Variants in MAP2K5 observed in about 807,000 individuals in gnomAD.
The protein encoded by MAP2K5 is mitogen-activated protein kinase kinase 5, also known as dual specificity mitogen-activated protein kinase kinase 5.
In MAP2K5, 49 loss-of-function variants were observed where a neutral mutation model predicts 83.1. That is an observed-to-expected ratio of 0.59 (90% CI 0.47 to 0.75). The LOEUF is 0.75. Ranked by LOEUF, MAP2K5 falls within the 30% of genes least tolerant of loss-of-function variation. The probability of loss-of-function intolerance (pLI) is 0.00; values close to 1 mark genes in which losing one functional copy is unlikely to be tolerated. For missense variants in MAP2K5, 457 were observed against 557.5 expected (o/e 0.82, Z 1.82); for synonymous variants, 202 against 191.8 (o/e 1.05, Z -0.44).
At chr15:67,723,753 TA>T (rs60450892) in intron 16 of MAP2K5, among the ~76,000 whole-genome samples, 2,615 of 148,176 alleles carry the variant, frequency 0.018, 87 homozygotes, top group African/African-American at 0.061. Flanking sequence ...GTACACTTTT[TA>T]AAAAAAAAAA....
chr15:67,571,640 A>G (rs1286661839), intron 3 of MAP2K5, among the ~76,000 whole-genome samples: 2 of 151,906 alleles, frequency 1.3e-5, no homozygotes, highest in Non-Finnish European at 1.5e-5. Context: ...TTTCCCATAT[A>G]CCAGCTCCTT....
intron 13 of MAP2K5, among the ~76,000 whole-genome samples, chr15:67,682,427 G>A (rs771169554): frequency 7.9e-5 from 12 of 151,928 alleles, no homozygotes; most frequent in South Asian, 4.2e-4. Context: ...GTTTTGCCAC[G>A]TTGGCCAGGC....
intron 4 of MAP2K5, among the ~76,000 whole-genome samples, chr15:67,584,017 G>C (rs780120875): frequency 6.6e-6 from 1 of 152,048 alleles, no homozygotes; most frequent in African/African-American, 2.4e-5. Flanking sequence ...TCCAAGTGCT[G>C]GGATGAAAGG....
Position 67,560,840 on chromosome 15 carries a change from T to C in MAP2K5, c.185-2443T>C, listed in dbSNP as rs554337415. Reference sequence around the variant, plus strand: ...GCCTTAAAGGTTCAAGCTCTAGCTTTGAGAAGTTGAAGAACTCTCCTTTTG... The same window carrying C: ...GCCTTAAAGGTTCAAGCTCTAGCTTCGAGAAGTTGAAGAACTCTCCTTTTG... On this transcript the variant is annotated intron_variant, in intron 2 of 21. Transcript: ENST00000178640. Among the ~76,000 whole-genome samples the C allele has an allele frequency of 1.2e-4, 19 of 152,348 alleles. No individual in the cohort carries two copies. The East Asian group carries it at 3.7e-3, about 29-fold the overall frequency.
At chr15:67,798,594 C>A (rs1251079565) in intron 21 of MAP2K5, among the ~76,000 whole-genome samples, 1 of 152,212 alleles carries the variant, frequency 6.6e-6, no homozygotes, top group South Asian at 2.1e-4. Flanking sequence ...TGGCCTATTA[C>A]TCTGTGTAGA....
intron 16 of MAP2K5, among the ~76,000 whole-genome samples, chr15:67,707,370 T>C (rs1033953662): frequency 6.6e-6 from 1 of 152,232 alleles, no homozygotes; most frequent in African/African-American, 2.4e-5. Flanking sequence ...AAAATCACTA[T>C]AGACAGAAGT....
At position 67,793,590 on chromosome 15, in the gene MAP2K5, A is replaced by G. The variant is rs1442547681; in HGVS notation, c.1243-13056A>G. On this transcript the variant is annotated intron_variant, in intron 21 of 21. Coordinates refer to ENST00000178640, the MANE Select transcript of MAP2K5 (RefSeq NM_145160.3). The surrounding 1 kb of genome is among the most constrained non-coding windows in gnomAD (Gnocchi z 4.6). The stretch of plus-strand genomic sequence containing the variant: ...GTCTAAAATACAAGAAAGCTGGCTT[A>G]AGGAAAAGCTTGAGGCACTACCTAA... Among the ~76,000 whole-genome samples, 4 of 152,228 alleles carry G rather than the reference A, an allele frequency of 2.6e-5. No individual in the cohort carries two copies. The highest frequency in any genetic ancestry group is 4.1e-4 in the South Asian group (2 of 4,834).
rs4776954 is a variant in MAP2K5 at position 67,637,287 on chromosome 15, C to T, written c.585+6360C>T. On this transcript the variant is annotated intron_variant, in intron 9 of 21. Coordinates refer to ENST00000178640, the MANE Select transcript of MAP2K5 (RefSeq NM_145160.3). This position sits in a 1 kb window ranked among gnomAD's most constrained non-coding sequence, Gnocchi z 4.5. ...TATACATCTATCCTATTAGTTCTGT[C>T]CCTCTAGAGAACCCTGACTAATACA... 0.98 allele frequency among the ~76,000 whole-genome samples: 149,436 copies of T among 152,270 alleles called. 73,403 individuals are homozygous for T. The highest frequency in any genetic ancestry group is 1 in the Middle Eastern group (294 of 294).
Position 67,572,005 on chromosome 15 carries a change from A to C in MAP2K5, c.252+8655A>C, listed in dbSNP as rs1302444148. Among the ~76,000 whole-genome samples the C allele has an allele frequency of 6.6e-6, 1 of 152,202 alleles. No homozygotes were observed. The highest frequency in any genetic ancestry group is 2.4e-5 in the African/African-American group (1 of 41,446). ...GTGTGGGAAGACAAGAAAAACTCAT[A>C]ATTACCAAGCGGAGTGATAAATGAT... On this transcript the variant is annotated intron_variant, in intron 3 of 21. Transcript: ENST00000178640. This position sits in a 1 kb window ranked among gnomAD's most constrained non-coding sequence, Gnocchi z 4.2.
intron 21 of MAP2K5, among the ~76,000 whole-genome samples, chr15:67,805,246 C>T (rs1325220142): frequency 2.0e-5 from 3 of 152,216 alleles, no homozygotes; most frequent in Non-Finnish European, 2.9e-5. Flanking sequence ...GGGCAGGTTT[C>T]CCAACCTCGA....
At position 67,770,372 on chromosome 15, in the gene MAP2K5, T is replaced by A. The variant is rs2090118847; in HGVS notation, c.1196+709T>A. Among the ~76,000 whole-genome samples the A allele has an allele frequency of 6.6e-6, 1 of 152,166 alleles. No homozygotes were observed. The highest frequency in any genetic ancestry group is 2.4e-5 in the African/African-American group (1 of 41,420). ...ACCCCTTTCACCATCATTCCCCTCT[T>A]CCCTCGTCCTGCAGGACTCATGTGG... On this transcript the variant is annotated intron_variant, in intron 20 of 21. Coordinates refer to ENST00000178640, the MANE Select transcript of MAP2K5 (RefSeq NM_145160.3). The surrounding 1 kb of genome is among the most constrained non-coding windows in gnomAD (Gnocchi z 5.0).
At chr15:67,616,813 A>G (rs1567312216) in intron 8 of MAP2K5, among the ~76,000 whole-genome samples, 1 of 152,110 alleles carries the variant, frequency 6.6e-6, no homozygotes, top group Non-Finnish European at 1.5e-5. Context: ...TGCTTTCACT[A>G]TTTTAGTGAC....
intron 1 of MAP2K5, chr15:67,546,475 C>A: frequency 2.4e-6 from 1 of 411,970 alleles, no homozygotes; most frequent in Non-Finnish European, 3.3e-6. Flanking sequence ...AGTCACTGTG[C>A]ATCAAATAGC....
chr15:67,715,185 T>C (rs1195392048), intron 16 of MAP2K5, among the ~76,000 whole-genome samples: 1 of 151,934 alleles, frequency 6.6e-6, no homozygotes, highest in African/African-American at 2.4e-5. Context: ...CTTACTCCCT[T>C]TTCTGTAATT....
intron 17 of MAP2K5, among the ~76,000 whole-genome samples, 197 bp downstream of exon 17, chr15:67,728,142 T>TA (rs2141248311): frequency 6.6e-6 from 1 of 152,362 alleles, no homozygotes; most frequent in South Asian, 2.1e-4. Context: ...TTCTTCTTGT[T>TA]AAAGGTTGAG....
At chr15:67,547,107 C>CACACACACACAG (rs3223318) in intron 1 of MAP2K5, among the ~76,000 whole-genome samples, 13 of 145,794 alleles carry the variant, frequency 8.9e-5, no homozygotes, top group Non-Finnish European at 1.6e-4. Context: ...CACACACACA[C>CACACACACACAG]AGATTTCTGT....
intron 21 of MAP2K5, among the ~76,000 whole-genome samples, chr15:67,799,060 T>C (rs2090656114): frequency 6.6e-6 from 1 of 152,184 alleles, no homozygotes; most frequent in African/African-American, 2.4e-5. Flanking sequence ...TCCCAGCTAC[T>C]CAGGAGGCTG....
At chr15:67,772,123 C>G (rs1296023740) in intron 20 of MAP2K5, among the ~76,000 whole-genome samples, 1 of 152,242 alleles carries the variant, frequency 6.6e-6, no homozygotes, top group African/African-American at 2.4e-5. Flanking sequence ...GAATTATCAA[C>G]TTGCCTTGTT....
chr15:67,796,274 G>C (rs1436671751), intron 21 of MAP2K5, among the ~76,000 whole-genome samples: 13 of 151,788 alleles, frequency 8.6e-5, no homozygotes, highest in Non-Finnish European at 1.6e-4. Context: ...GTTTCTTTAG[G>C]CCATTCTTGC....
Sources: gnomAD v4.1 joint callset for allele counts (sites outside exome capture counted in the v4.1 genomes callset) on GRCh38, gnomAD v4.1.1 for gene constraint, Gnocchi (gnomAD v3.1) non-coding constraint, MANE v1.5 for transcripts, NCBI Gene and HGNC (gene_info 2026-07-23, HGNC 2026-07-21) for gene names.